Variants in SYNE2 observed in about 807,000 individuals in gnomAD.
SYNE2 encodes nesprin-2.
Under a neutral mutation model 856.3 loss-of-function variants are expected in SYNE2, and 431 were observed. That is an observed-to-expected ratio of 0.50 (90% CI 0.47 to 0.55). SYNE2 has a LOEUF of 0.55. SYNE2 is among the 20% of genes least tolerant of loss of function. The probability of loss-of-function intolerance (pLI) is 0.00; values close to 1 mark genes in which losing one functional copy is unlikely to be tolerated. For synonymous variants in SYNE2, 2,923 were observed against 2,872.3 expected (o/e 1.02, Z -0.56); for missense variants, 8,129 against 8,023.2 (o/e 1.01, Z -0.50).
chr14:64,226,072 GCT>G lies in SYNE2; in HGVS notation c.*549_*550del, dbSNP rs1297571000. On this transcript the variant is annotated 3_prime_UTR_variant, in exon 116 of 116. Coordinates refer to ENST00000555002, the MANE Select transcript of SYNE2 (RefSeq NM_182914.3). ...AATGTTCTGTTCAGTACCTAGCTCT[GCT>G]CTTTTATATTGCTTTAAATTTTTAA... 2 of 164,834 alleles carry G rather than the reference GCT, an allele frequency of 1.2e-5. No individual in the cohort carries two copies. Among genetic ancestry groups the G allele is most frequent in the Admixed American group, 5.8e-5 (1 of 17,376 alleles). 10.2% of individuals were successfully genotyped at this position (164,834 alleles called of 1,614,324 possible).
rs370246009 is a variant in SYNE2 at position 64,007,102 on chromosome 14, A to G, written c.4457A>G (p.His1486Arg). ...VLDEYEEEKR[H>R]LQEMANSLPH... is the part of the protein sequence containing the mutation. ...GATGAATATGAAGAAGAGAAGAGAC[A>G]TTTACAAGAAATGGCTAATTCTCTT... The change falls in exon 31 of 116, where the codon CAT becomes CGT. Residue 1486 changes from histidine (H) to arginine (R), a missense_variant. His to Arg is a conservative substitution (Grantham distance 29, BLOSUM62 0). Coordinates refer to ENST00000555002, the MANE Select transcript of SYNE2 (RefSeq NM_182914.3). 1.6e-5 allele frequency: 26 copies of G among 1,613,628 alleles called. No individual in the cohort carries two copies. Among genetic ancestry groups the G allele is most frequent in the African/African-American group, 1.1e-4 (8 of 74,922 alleles).
intron 62 of SYNE2, chr14:64,098,533 C>G: frequency 1.6e-6 from 1 of 619,136 alleles, no homozygotes; most frequent in Non-Finnish European, 2.9e-6. Flanking sequence ...TGAAGGGGCA[C>G]AGGGGGCCAT....
chr14:64,208,116 A>C (rs1204698367), intron 100 of SYNE2: 5 of 455,934 alleles, frequency 1.1e-5, no homozygotes, highest in Non-Finnish European at 2.2e-5. Flanking sequence ...TCATCATCAA[A>C]GGACAAGACT....
At chr14:63,796,669 T>C (rs528475213) in intron 1 of SYNE2, among the ~76,000 whole-genome samples, 2 of 152,210 alleles carry the variant, frequency 1.3e-5, no homozygotes, top group Admixed American at 1.3e-4. Context: ...TTTTTTCTTC[T>C]AGTTGTACGG....
chr14:63,817,170 C>T (rs903886472), intron 1 of SYNE2, among the ~76,000 whole-genome samples: 3 of 152,106 alleles, frequency 2.0e-5, no homozygotes, highest in African/African-American at 7.2e-5. Context: ...GTCCATACAA[C>T]ACAGGTCAGC....
At chr14:63,834,779 T>G (rs1408606615) in intron 1 of SYNE2, among the ~76,000 whole-genome samples, 1 of 151,882 alleles carries the variant, frequency 6.6e-6, no homozygotes, top group Non-Finnish European at 1.5e-5. Flanking sequence ...TAGCTGAGAC[T>G]ACAGGCACAC....
chr14:63,860,946 G>T (rs1893425088), intron 1 of SYNE2, among the ~76,000 whole-genome samples: 1 of 152,074 alleles, frequency 6.6e-6, no homozygotes, highest in African/African-American at 2.4e-5. Context: ...GTAGGGTCCA[G>T]GGACCAGGAG....
intron 1 of SYNE2, among the ~76,000 whole-genome samples, chr14:63,780,128 T>C (rs929345797): frequency 1.5e-4 from 23 of 152,160 alleles, no homozygotes; most frequent in Non-Finnish European, 2.8e-4. Context: ...ACAATTCTAT[T>C]TACAATAGCA....
chr14:63,979,004 A>G lies in SYNE2; in HGVS notation c.1559A>G (p.Glu520Gly). Residue 520 changes from glutamate to glycine, a missense_variant, in exon 14 of 116, where the codon GAA (glutamate) becomes GGA (glycine). Coordinates refer to ENST00000555002, the MANE Select transcript of SYNE2 (RefSeq NM_182914.3). The part of the protein sequence containing the change: ...GSRESVELLL[E>G]DWHKFIEEKE... Reference sequence around the variant, plus strand: ...AGAGAATCTGTGGAATTATTGCTGGAAGACTGGCATGTAAGCTTTTCAATT... The same window carrying G: ...AGAGAATCTGTGGAATTATTGCTGGGAGACTGGCATGTAAGCTTTTCAATT... The G allele has an allele frequency of 6.2e-7, 1 of 1,613,742 alleles. No homozygotes were observed.
chr14:63,819,541 CTTT>C (rs576041925), intron 1 of SYNE2, among the ~76,000 whole-genome samples: 2 of 134,668 alleles, frequency 1.5e-5, no homozygotes, highest in African/African-American at 2.7e-5. Context: ...AATTTTATTT[CTTT>C]TTTTTTTTTT....
At position 63,998,319 on chromosome 14, in the gene SYNE2, T is replaced by C; in HGVS notation, c.3344T>C (p.Leu1115Ser). 3 of 1,605,700 alleles carry C rather than the reference T, an allele frequency of 1.9e-6. No individual in the cohort carries two copies. The highest frequency in any genetic ancestry group is 2.6e-6 in the Non-Finnish European group (3 of 1,172,390). ...EKDYSASINS[L>S]LERYDTYRDI... ...GATTACAGTGCATCTATAAATAGTT[T>C]ACTAGAGAGGTAAACTCTTTTTAAA... The change falls in exon 26 of 116, where the codon TTA becomes TCA. Residue 1115 changes from leucine (L) to serine (S), a missense_variant. Physicochemically the swap from Leu to Ser is moderately radical, Grantham distance 145. Coordinates refer to ENST00000555002, the MANE Select transcript of SYNE2 (RefSeq NM_182914.3).
At position 63,995,067 on chromosome 14, in the gene SYNE2, A is replaced by G. The variant is rs925485730; in HGVS notation, c.2805A>G (p.Leu935=). 1 of 1,561,126 alleles carries G rather than the reference A, an allele frequency of 6.4e-7. No individual in the cohort carries two copies. Among genetic ancestry groups the G allele is most frequent in the Non-Finnish European group, 8.8e-7 (1 of 1,140,410 alleles). ...KWESLHHELS[L]YVQQLKIDIE... Reference sequence around the variant, plus strand: ...AGTCTCTTCATCATGAACTGTCTTTATATGTTCAACAACTAAAAATAGATA... The same window carrying G: ...AGTCTCTTCATCATGAACTGTCTTTGTATGTTCAACAACTAAAAATAGATA... Residue 935 remains leucine (L), a synonymous_variant, in exon 23 of 116, where the codon TTA becomes TTG. Coordinates refer to ENST00000555002, the MANE Select transcript of SYNE2 (RefSeq NM_182914.3).
intron 107 of SYNE2, chr14:64,215,781 G>T: frequency 2.2e-6 from 1 of 463,092 alleles, no homozygotes; most frequent in South Asian, 2.7e-5. Context: ...CCACAGGAGG[G>T]AAAAAACCTT....
intron 23 of SYNE2, 47 bp downstream of exon 23, chr14:63,995,249 T>G: frequency 4.6e-4 from 697 of 1,513,546 alleles, no homozygotes; most frequent in Middle Eastern, 6.9e-4. Flanking sequence ...TTTTGGGGTT[T>G]ATCTTAAATG....
Position 64,137,797 on chromosome 14 carries a change from G to C in SYNE2, c.14657G>C (p.Arg4886Thr). The C allele has an allele frequency of 1.2e-6, 2 of 1,614,122 alleles. No homozygotes were observed. The highest frequency in any genetic ancestry group is 1.7e-6 in the Non-Finnish European group (2 of 1,180,020). The change falls in exon 79 of 116, where the codon AGA (arginine) becomes ACA (threonine). Residue 4886 changes from arginine to threonine, a missense_variant. This residue lies in a region of SYNE2 where 5,410 missense variants were observed against 5,284.8 expected (regional missense o/e 1.02). Transcript: ENST00000555002. ...ERISFYQQIK[R>T]NIGGKHARLY... The stretch of plus-strand genomic sequence containing the variant: ...TTTACTTTTTATTAGCAAATAAAAA[G>C]AAACATTGGTGGAAAACACGCCCGG...
chr14:64,179,186 G>T (rs1235719041), intron 96 of SYNE2, among the ~76,000 whole-genome samples: 1 of 152,020 alleles, frequency 6.6e-6, no homozygotes, highest in Non-Finnish European at 1.5e-5. Flanking sequence ...ACCCAGGCTG[G>T]AATACAGTGG....
chr14:64,141,635 T>A, intron 81 of SYNE2, 112 bp downstream of exon 81: 1 of 1,181,044 alleles, frequency 8.5e-7, no homozygotes, highest in Non-Finnish European at 1.2e-6. Context: ...TATTTTTCTC[T>A]GGCACCACTG....
At chr14:64,178,633 A>G (rs1178705564) in intron 96 of SYNE2, among the ~76,000 whole-genome samples, 1 of 151,820 alleles carries the variant, frequency 6.6e-6, no homozygotes, top group Non-Finnish European at 1.5e-5. Flanking sequence ...TAATTTTTCT[A>G]TTTTTTGTAG....
chr14:64,179,722 T>G (rs1335490057), intron 96 of SYNE2, among the ~76,000 whole-genome samples: 1 of 152,216 alleles, frequency 6.6e-6, no homozygotes, highest in Non-Finnish European at 1.5e-5. Context: ...TTTTTTCCAT[T>G]GGGCTATTTG....
Sources: gnomAD v4.1 joint callset for allele counts (sites outside exome capture counted in the v4.1 genomes callset) on GRCh38, gnomAD v4.1.1 for gene constraint, gnomAD v4.1.1 regional missense constraint, MANE v1.5 for transcripts, NCBI Gene and HGNC (gene_info 2026-07-23, HGNC 2026-07-21) for gene names.